Variants in PES1 observed in about 807,000 individuals in gnomAD.
PES1 encodes pescadillo ribosomal biogenesis factor 1.
Under a neutral mutation model 77.1 loss-of-function variants are expected in PES1, and 31 were observed. The ratio of observed to expected loss-of-function variants is 0.40; its 90% CI spans 0.30 to 0.54. The LOEUF (loss-of-function observed/expected upper bound fraction) is 0.54. Ranked by LOEUF, PES1 falls within the 20% of genes least tolerant of loss-of-function variation. PES1 has a pLI of 0.45. For missense variants in PES1, 658 were observed against 771.7 expected (o/e 0.85, Z 1.75); for synonymous variants, 282 against 303.0 (o/e 0.93, Z 0.72).
intron 2 of PES1, among the ~76,000 whole-genome samples, chr22:30,600,832 A>C (rs2087343800): frequency 6.6e-6 from 1 of 152,194 alleles, no homozygotes; most frequent in Non-Finnish European, 1.5e-5. Context: ...CAAAACAAAA[A>C]AAAATTGGGG....
chr22:30,582,763 G>T (rs534592354), intron 6 of PES1, among the ~76,000 whole-genome samples: 1 of 152,206 alleles, frequency 6.6e-6, no homozygotes, highest in South Asian at 2.1e-4. Context: ...CACTCACACC[G>T]CCATCCTTCC....
At chr22:30,602,596 C>G (rs2087373973) in intron 2 of PES1, among the ~76,000 whole-genome samples, 1 of 151,758 alleles carries the variant, frequency 6.6e-6, no homozygotes, top group Non-Finnish European at 1.5e-5. Flanking sequence ...GTTGCCCAGG[C>G]TTGTCTCAAA....
chr22:30,592,328 A>C, upstream of PES1: 1 of 990,314 alleles, frequency 1.0e-6, no homozygotes, highest in Non-Finnish European at 1.2e-6. Context: ...GCGGTTCCCG[A>C]GGGGCAGGGT....
chr22:30,583,436 A>T (rs377206902), intron 6 of PES1, among the ~76,000 whole-genome samples: 1 of 152,212 alleles, frequency 6.6e-6, no homozygotes, highest in Admixed American at 6.5e-5. Context: ...TGCTAACTGG[A>T]CCGGCAGCGG....
intron 6 of PES1, 59 bp downstream of exon 6, chr22:30,584,306 A>T: frequency 6.9e-6 from 9 of 1,308,368 alleles, no homozygotes; most frequent in Non-Finnish European, 9.7e-6. Flanking sequence ...CCCTTCCTCC[A>T]CATCCATATC....
At chr22:30,591,694 AC>A in intron 1 of PES1, 115 bp downstream of exon 1, 7 of 1,187,302 alleles carry the variant, frequency 5.9e-6, no homozygotes, top group Non-Finnish European at 8.2e-6. Context: ...GATTACGGTC[AC>A]GTCGATCCCG....
intron 2 of PES1, among the ~76,000 whole-genome samples, chr22:30,600,090 G>A (rs1050302355): frequency 1.3e-5 from 2 of 152,180 alleles, no homozygotes; most frequent in Non-Finnish European, 2.9e-5. Context: ...CCAGCACTTT[G>A]GGAGGCAGAG....
At chr22:30,597,230 C>T (rs891574394) in intron 2 of PES1, among the ~76,000 whole-genome samples, 13 of 151,992 alleles carry the variant, frequency 8.6e-5, no homozygotes, top group Non-Finnish European at 1.5e-4. Flanking sequence ...CATCAACTGC[C>T]CAAGGGCTGA....
At chr22:30,588,883 A>G (rs1237702508) in intron 2 of PES1, among the ~76,000 whole-genome samples, 1 of 152,116 alleles carries the variant, frequency 6.6e-6, no homozygotes, top group Non-Finnish European at 1.5e-5. Context: ...TTTTGACTCT[A>G]TGAGGAATGA....
chr22:30,594,680 A>C (rs1416488353), upstream of PES1, among the ~76,000 whole-genome samples: 4 of 152,034 alleles, frequency 2.6e-5, no homozygotes, highest in East Asian at 3.9e-4. Flanking sequence ...AAAAAAAAAA[A>C]AAAACACAGC....
chr22:30,578,756 G>T, intron 14 of PES1, 81 bp downstream of exon 14: 1 of 1,461,502 alleles, frequency 6.8e-7, no homozygotes, highest in Non-Finnish European at 9.5e-7. Flanking sequence ...GCCTAGAGGA[G>T]GGCCCCAAGC....
upstream of PES1, chr22:30,592,198 G>A (rs553696512): frequency 5.3e-5 from 56 of 1,060,824 alleles, 1 homozygote; most frequent in African/African-American, 5.7e-4. Context: ...GAAGGCTTAG[G>A]GACAGCGCGG....
chr22:30,596,579 C>T (rs2087255616), upstream of PES1, among the ~76,000 whole-genome samples: 1 of 152,156 alleles, frequency 6.6e-6, no homozygotes, highest in Non-Finnish European at 1.5e-5. Flanking sequence ...ATTAGATTAC[C>T]TATTAGGATA....
At chr22:30,597,057 G>A (rs546618713) in intron 2 of PES1, among the ~76,000 whole-genome samples, 161 of 152,296 alleles carry the variant, frequency 1.1e-3, no homozygotes, top group African/African-American at 3.5e-3. Context: ...CCGGCCCACC[G>A]GCGCTGCGCT....
At chr22:30,597,220 C>T (rs2087267794) in intron 2 of PES1, among the ~76,000 whole-genome samples, 1 of 151,990 alleles carries the variant, frequency 6.6e-6, no homozygotes, top group Admixed American at 6.5e-5. Flanking sequence ...CGCCCGGTCA[C>T]ATCAACTGCC....
upstream of PES1, chr22:30,592,054 G>C: frequency 1.5e-6 from 2 of 1,357,278 alleles, no homozygotes; most frequent in Non-Finnish European, 9.5e-7. Context: ...ACTCTTTCCA[G>C]ATCTTTCCCG....
At chr22:30,585,290 G>C (rs1315055010) in intron 4 of PES1, 9 of 471,446 alleles carry the variant, frequency 1.9e-5, no homozygotes, top group Admixed American at 1.6e-4. Flanking sequence ...GGAAGAGCCA[G>C]AGCAGAATGT....
At chr22:30,594,414 C>T (rs574992932), upstream of PES1, among the ~76,000 whole-genome samples, 17 of 151,904 alleles carry the variant, frequency 1.1e-4, no homozygotes, top group South Asian at 2.9e-3. Flanking sequence ...CAGCTACCAG[C>T]GAGGCCAAGG....
Position 30,591,840 on chromosome 22 carries a change from A to T in PES1, c.-7T>A. On this transcript the variant is annotated 5_prime_UTR_variant, in exon 1 of 15. Coordinates refer to ENST00000354694, the MANE Select transcript of PES1 (RefSeq NM_014303.4). Reference sequence around the variant, plus strand: ...TCTTCTCAAGGCCTCCCATCGCTCCACGTTGAGGAGCCGACTAGGGCCGCG... The same window carrying T: ...TCTTCTCAAGGCCTCCCATCGCTCCTCGTTGAGGAGCCGACTAGGGCCGCG... 6.4e-7 allele frequency: 1 copy of T among 1,554,290 alleles called. No individual in the cohort carries two copies. Among genetic ancestry groups the T allele is most frequent in the Non-Finnish European group, 8.7e-7 (1 of 1,150,056 alleles).
Sources: gnomAD v4.1 joint callset for allele counts (sites outside exome capture counted in the v4.1 genomes callset) on GRCh38, gnomAD v4.1.1 for gene constraint, MANE v1.5 for transcripts, NCBI Gene and HGNC (gene_info 2026-07-23, HGNC 2026-07-21) for gene names.